PDZD2: variants seen among roughly 807,000 people sequenced by gnomAD.
PDZD2 encodes the protein PDZ domain-containing protein 2.
Under a neutral mutation model 220.7 loss-of-function variants are expected in PDZD2, and 90 were observed. The observed-to-expected ratio is 0.41, with a 90% CI of 0.34 to 0.49. The LOEUF (loss-of-function observed/expected upper bound fraction) is 0.49, where lower values mean the gene tolerates loss of function less well. PDZD2 is among the 20% of genes least tolerant of loss of function. The pLI is 0.28. For missense variants in PDZD2, 3,174 were observed against 3,608.5 expected (o/e 0.88, Z 3.08); for synonymous variants, 1,375 against 1,450.5 (o/e 0.95, Z 1.18).
intron 1 of PDZD2, among the ~76,000 whole-genome samples, chr5:31,694,709 TG>T: frequency 6.6e-6 from 1 of 150,540 alleles, no homozygotes; most frequent in East Asian, 1.9e-4. Context: ...CTATACAGGC[TG>T]GGCCTTGGCC....
intron 1 of PDZD2, among the ~76,000 whole-genome samples, chr5:31,779,103 T>G (rs1752899405): frequency 6.6e-6 from 1 of 152,136 alleles, no homozygotes; most frequent in Admixed American, 6.5e-5. Context: ...ATTACCTATG[T>G]GACAGAAGTC....
intron 1 of PDZD2, among the ~76,000 whole-genome samples, chr5:31,745,740 CTA>C (rs1266330030): frequency 6.6e-6 from 1 of 151,460 alleles, no homozygotes; most frequent in Non-Finnish European, 1.5e-5. Context: ...TCACTGCGTC[CTA>C]TCTTAGTGAA....
intron 1 of PDZD2, among the ~76,000 whole-genome samples, chr5:31,723,426 T>C (rs1214488560): frequency 6.6e-6 from 1 of 152,058 alleles, no homozygotes; most frequent in Non-Finnish European, 1.5e-5. Context: ...CTAGAAATTA[T>C]CAATGGTTAA....
chr5:32,048,787 G>A, intron 8 of PDZD2, 103 bp downstream of exon 8: 4 of 1,210,182 alleles, frequency 3.3e-6, no homozygotes, highest in South Asian at 2.8e-5. Flanking sequence ...TAGAGAAGTG[G>A]GATAGAGAGA....
rs374692166 is a variant in PDZD2, at chr5:31,919,982, T to C, written c.477-63173T>C. On this transcript the variant is annotated intron_variant, in intron 2 of 24. Transcript: ENST00000438447. ...CTGCAGTGAGCTATGACTGTGCCAC[T>C]GCATTCTGGCCTGGGTGACAGAGCA... 1.2e-4 allele frequency among the ~76,000 whole-genome samples: 18 copies of C among 152,216 alleles called. 1 individual carries two copies. In the East Asian group the frequency reaches 2.3e-3, roughly 20 times the overall value.
chr5:31,719,785 G>C (rs939943068), intron 1 of PDZD2, among the ~76,000 whole-genome samples: 1 of 151,886 alleles, frequency 6.6e-6, no homozygotes, highest in African/African-American at 2.4e-5. Context: ...AATTGATTGA[G>C]GCCCTTGAAT....
At chr5:32,015,194 A>G (rs912901147) in intron 6 of PDZD2, among the ~76,000 whole-genome samples, 4 of 151,940 alleles carry the variant, frequency 2.6e-5, no homozygotes, top group African/African-American at 9.7e-5. Context: ...TGCCCGCTTC[A>G]GCCTCCCAAA....
intron 1 of PDZD2, among the ~76,000 whole-genome samples, chr5:31,689,353 A>ATATATATATTTTTTTTTTTTTTTTTT: frequency 2.8e-5 from 1 of 35,142 alleles, no homozygotes. Flanking sequence ...ATATATATAT[A>ATATATATATTTTTTTTTTTTTTTTTT]TTTTTTTTTT....
rs372606333 is a variant in PDZD2 at position 32,000,196 on chromosome 5, C to T, written c.1179C>T (p.Val393=). The change falls in exon 5 of 25, where the codon GTC becomes GTT. Residue 393 remains valine (V), a synonymous_variant. Coordinates refer to ENST00000438447, the MANE Select transcript of PDZD2 (RefSeq NM_178140.4). This position sits in a 1 kb window ranked among gnomAD's most constrained non-coding sequence, Gnocchi z 4.5. ...ELLVINGHLL[V]GLSHEEAVAI... ...TGGTAATCAATGGTCATTTACTGGT[C>T]GGGCTCTCCCACGAGGAAGCAGTGG... 5.6e-6 allele frequency: 9 copies of T among 1,613,904 alleles called. No homozygotes were observed. The highest frequency in any genetic ancestry group is 7.6e-6 in the Non-Finnish European group (9 of 1,179,808).
chr5:31,857,148 G>A (rs1345095822), intron 2 of PDZD2, among the ~76,000 whole-genome samples: 1 of 152,028 alleles, frequency 6.6e-6, no homozygotes, highest in African/African-American at 2.4e-5. Context: ...ACCACACTCA[G>A]CCTCAACTTC....
chr5:31,814,079 T>G (rs950511728), intron 2 of PDZD2, among the ~76,000 whole-genome samples: 21 of 152,128 alleles, frequency 1.4e-4, no homozygotes, highest in Admixed American at 3.9e-4. Flanking sequence ...AATAATGAAA[T>G]AGACCTATTT....
chr5:32,001,568 G>C (rs373023722), intron 5 of PDZD2, among the ~76,000 whole-genome samples: 2 of 152,164 alleles, frequency 1.3e-5, no homozygotes, highest in Non-Finnish European at 2.9e-5. Flanking sequence ...TCTTCTCCAC[G>C]GGTCCTCCAC....
chr5:32,032,151 G>A (rs1755173353), intron 6 of PDZD2, among the ~76,000 whole-genome samples: 1 of 152,170 alleles, frequency 6.6e-6, no homozygotes, highest in African/African-American at 2.4e-5. Context: ...TAAACGTGGG[G>A]GAGAGCAGGA....
intron 1 of PDZD2, among the ~76,000 whole-genome samples, chr5:31,755,589 T>C (rs1751260783): frequency 6.6e-6 from 1 of 150,816 alleles, no homozygotes; most frequent in Non-Finnish European, 1.5e-5. Context: ...GATCACTTAA[T>C]TTTTTTTTAA....
At chr5:32,065,414 G>A (rs926669582) in intron 14 of PDZD2, among the ~76,000 whole-genome samples, 3 of 152,192 alleles carry the variant, frequency 2.0e-5, no homozygotes, top group Non-Finnish European at 4.4e-5. Context: ...TGTGCTTGAT[G>A]GACTGGTACA....
Position 31,748,712 on chromosome 5 carries a change from C to T in PDZD2, c.-360-50177C>T, listed in dbSNP as rs994306241. 4.6e-5 allele frequency among the ~76,000 whole-genome samples: 7 copies of T among 152,246 alleles called. No individual in the cohort carries two copies. In the East Asian group the frequency reaches 1.2e-3, roughly 25 times the overall value. On this transcript the variant is annotated intron_variant, in intron 1 of 24. Transcript: ENST00000438447. Reference sequence around the variant, plus strand: ...TAAATCTCTCCAGTTTGCTGCTTGTCAGCAGCTCTGATCACACGCTTGGTT... The same window carrying T: ...TAAATCTCTCCAGTTTGCTGCTTGTTAGCAGCTCTGATCACACGCTTGGTT...
intron 1 of PDZD2, among the ~76,000 whole-genome samples, chr5:31,741,271 G>A (rs764562055): frequency 1.8e-4 from 27 of 152,134 alleles, no homozygotes; most frequent in Non-Finnish European, 1.6e-4. Context: ...TTTCTGGTTG[G>A]TGAGATTGTG....
intron 14 of PDZD2, 138 bp downstream of exon 14, chr5:32,061,272 T>G: frequency 1.5e-6 from 1 of 674,336 alleles, no homozygotes; most frequent in Non-Finnish European, 2.6e-6. Context: ...AATGAATCTC[T>G]AATCTGGACT....
intron 2 of PDZD2, among the ~76,000 whole-genome samples, chr5:31,980,425 T>G (rs769793700): frequency 6.6e-6 from 1 of 152,260 alleles, no homozygotes; most frequent in Non-Finnish European, 1.5e-5. Context: ...GTTGTTTATC[T>G]GTTCATCAGT....
Sources: allele counts gnomAD v4.1 joint callset (sites outside exome capture counted in the v4.1 genomes callset), GRCh38; gene constraint gnomAD v4.1.1; non-coding constraint Gnocchi (gnomAD v3.1); transcripts MANE v1.5; gene names NCBI Gene and HGNC (gene_info 2026-07-23, HGNC 2026-07-21).